The following ALPK2 variants were observed in gnomAD, a reference collection of about 807,000 sequenced individuals.
The protein encoded by ALPK2 is alpha-protein kinase 2.
A neutral mutation model predicts 163.1 loss-of-function variants in ALPK2; 127 were observed. That is an observed-to-expected ratio of 0.78 (90% CI 0.67 to 0.90). The LOEUF (loss-of-function observed/expected upper bound fraction) is 0.90, where lower values mean the gene tolerates loss of function less well. ALPK2 is among the 40% of genes least tolerant of loss of function. The pLI is 0.00. For missense variants in ALPK2, 2,360 were observed against 2,589.6 expected, an observed-to-expected ratio of 0.91 and a Z score of 1.92; for synonymous variants, 953 against 959.1, an observed-to-expected ratio of 0.99 and a Z score of 0.12.
At chr18:58,486,348 G>A (rs921584812) in intron 12 of ALPK2, among the ~76,000 whole-genome samples, 3 of 152,208 alleles carry the variant, frequency 2.0e-5, no homozygotes, top group Non-Finnish European at 4.4e-5. Flanking sequence ...GGCTCTCTCC[G>A]CACCATGAGA....
chr18:58,608,584 C>G (rs891017658), intron 2 of ALPK2, among the ~76,000 whole-genome samples: 3 of 152,204 alleles, frequency 2.0e-5, no homozygotes, highest in East Asian at 1.9e-4. Context: ...GTCTTAGGAA[C>G]GTTCTTGTAT....
intron 1 of ALPK2, among the ~76,000 whole-genome samples, chr18:58,625,853 G>A (rs2052227121): frequency 6.6e-6 from 1 of 152,246 alleles, no homozygotes; most frequent in South Asian, 2.1e-4. Flanking sequence ...TCTTCGAGCT[G>A]ATGTCTGAAG....
chr18:58,550,140 T>C (rs80022183), intron 4 of ALPK2, among the ~76,000 whole-genome samples: 1,937 of 152,204 alleles, frequency 0.013, 40 homozygotes, highest in African/African-American at 0.043. Flanking sequence ...AGCCAGACTG[T>C]AAGGTTATTG....
intron 4 of ALPK2, among the ~76,000 whole-genome samples, chr18:58,573,234 G>GTGTATATATGTGTATATATGTGTATATA (rs2051896003): frequency 8.6e-6 from 1 of 116,506 alleles, no homozygotes; most frequent in East Asian, 2.0e-4. Context: ...GTGTATATGT[G>GTGTATATATGTGTATATATGTGTATATA]TGTATATATG....
chr18:58,493,478 A>G (rs979502327), intron 12 of ALPK2, among the ~76,000 whole-genome samples: 3 of 152,138 alleles, frequency 2.0e-5, no homozygotes, highest in African/African-American at 4.8e-5. Flanking sequence ...TGACTGGGCA[A>G]AGCATCCCAG....
intron 3 of ALPK2, among the ~76,000 whole-genome samples, chr18:58,597,785 A>T (rs1373109870): frequency 6.6e-6 from 1 of 152,274 alleles, no homozygotes; most frequent in East Asian, 1.9e-4. Context: ...CCACAATGTG[A>T]TGGTATTTGG....
intron 4 of ALPK2, among the ~76,000 whole-genome samples, chr18:58,564,574 T>G (rs554865363): frequency 1.3e-5 from 2 of 152,116 alleles, no homozygotes; most frequent in African/African-American, 4.8e-5. Flanking sequence ...TTTTTTTTCC[T>G]TTTTGCTTAG....
chr18:58,543,020 A>G (rs1193051753), intron 4 of ALPK2, among the ~76,000 whole-genome samples: 1 of 152,060 alleles, frequency 6.6e-6, no homozygotes. Flanking sequence ...GCCCTCATAG[A>G]GGGATTAATC....
At chr18:58,514,962 G>A (rs779415848) in intron 10 of ALPK2, 31 bp downstream of exon 10, 5 of 1,570,224 alleles carry the variant, frequency 3.2e-6, no homozygotes, top group African/African-American at 1.4e-5. Context: ...CGAGTCAGGA[G>A]TGTGACACAA....
intron 4 of ALPK2, 43 bp downstream of exon 4, chr18:58,578,771 C>CACACACACACACACACAT (rs1555673966): frequency 6.4e-7 from 1 of 1,561,286 alleles, no homozygotes; most frequent in African/African-American, 1.4e-5. Flanking sequence ...CACACACACA[C>CACACACACACACACACAT]GGTTCTTTTT....
At chr18:58,538,797 T>A (rs1293791427) in intron 4 of ALPK2, among the ~76,000 whole-genome samples, 1 of 152,138 alleles carries the variant, frequency 6.6e-6, no homozygotes, top group Non-Finnish European at 1.5e-5. Flanking sequence ...GGTGGATCTC[T>A]TACGAATAGA....
chr18:58,548,091 C>G (rs539232503), intron 4 of ALPK2, among the ~76,000 whole-genome samples: 97 of 152,286 alleles, frequency 6.4e-4, no homozygotes, highest in African/African-American at 2.3e-3. Context: ...GATTACTACA[C>G]TAGTACTTTG....
rs200953041 is a variant in ALPK2 at position 58,537,057 on chromosome 18, A to C, written c.3130T>G (p.Ser1044Ala). The change falls in exon 5 of 13, where the codon TCC becomes GCC. Residue 1044 changes from serine (S) to alanine (A), a missense_variant. Ser to Ala is a moderately conservative substitution (Grantham distance 99). Coordinates refer to ENST00000361673, the MANE Select transcript of ALPK2 (RefSeq NM_052947.4). ...GGAAATTGGGAAACCTTTTCATGGG[A>C]TGCACGAGGGAACCTCTCCTCAGTG... Reference protein sequence around the residue: ...GGTEERFPRASHEKVSQFPSQ... With the variant: ...GGTEERFPRAAHEKVSQFPSQ... 8.8e-5 allele frequency: 142 copies of C among 1,614,074 alleles called. No individual in the cohort carries two copies. Among genetic ancestry groups the C allele is most frequent in the Non-Finnish European group, 1.2e-4 (140 of 1,180,036 alleles).
chr18:58,548,611 G>T (rs1479627574), intron 4 of ALPK2, among the ~76,000 whole-genome samples: 1 of 152,054 alleles, frequency 6.6e-6, no homozygotes. Flanking sequence ...GTGAGTCACC[G>T]CGCCCAGCCA....
intron 6 of ALPK2, 71 bp downstream of exon 6, chr18:58,529,020 T>C (rs756325813): frequency 1.3e-6 from 2 of 1,586,384 alleles, no homozygotes; most frequent in Non-Finnish European, 1.7e-6. Flanking sequence ...TATTCTTTTT[T>C]CTTTTTTACA....
At chr18:58,530,295 C>T (rs1033747594) in intron 5 of ALPK2, among the ~76,000 whole-genome samples, 3 of 152,162 alleles carry the variant, frequency 2.0e-5, no homozygotes, top group African/African-American at 7.2e-5. Flanking sequence ...TGTTGGGTAG[C>T]AAATCTTTCA....
At chr18:58,542,377 T>C (rs895798663) in intron 4 of ALPK2, among the ~76,000 whole-genome samples, 4 of 152,178 alleles carry the variant, frequency 2.6e-5, no homozygotes, top group South Asian at 2.1e-4. Flanking sequence ...AAAGAGGAAG[T>C]TGGGGAGCTC....
intron 4 of ALPK2, among the ~76,000 whole-genome samples, chr18:58,577,388 T>C (rs2051927506): frequency 6.6e-6 from 1 of 152,212 alleles, no homozygotes; most frequent in African/African-American, 2.4e-5. Context: ...AATAATAAAG[T>C]AATTTGTCCA....
At chr18:58,546,287 C>A (rs974082025) in intron 4 of ALPK2, among the ~76,000 whole-genome samples, 4 of 152,168 alleles carry the variant, frequency 2.6e-5, no homozygotes, top group African/African-American at 9.7e-5. Flanking sequence ...ATTCTGTCTT[C>A]ATTTCTTGAG....
Sources: gnomAD v4.1 joint callset for allele counts (sites outside exome capture counted in the v4.1 genomes callset) on GRCh38, gnomAD v4.1.1 for gene constraint, MANE v1.5 for transcripts, NCBI Gene and HGNC (gene_info 2026-07-23, HGNC 2026-07-21) for gene names.